The following EPDR1 variants were observed in gnomAD, a reference collection of about 807,000 sequenced individuals.
EPDR1 encodes the protein ependymin related 1.
Under a neutral mutation model 23.7 loss-of-function variants are expected in EPDR1, and 27 were observed. The ratio of observed to expected loss-of-function variants is 1.14; its 90% confidence interval spans 0.84 to 1.57. The LOEUF (loss-of-function observed/expected upper bound fraction) is 1.57. Among genes scored for constraint, EPDR1 ranks in the 40% most tolerant of loss-of-function variants. The probability of loss-of-function intolerance (pLI) is 0.00; values close to 1 mark genes in which losing one functional copy is unlikely to be tolerated. For missense variants in EPDR1, 349 were observed against 290.4 expected, an observed-to-expected ratio of 1.20 and a Z score of -1.47; for synonymous variants, 137 against 118.2, an observed-to-expected ratio of 1.16 and a Z score of -1.03.
chr7:37,947,616 T>C (rs1183667679), intron 1 of EPDR1, among the ~76,000 whole-genome samples: 1 of 152,240 alleles, frequency 6.6e-6, no homozygotes, highest in African/African-American at 2.4e-5. Context: ...TATTTGCTGA[T>C]GACAAGTCAC....
chr7:37,926,037 A>G (rs1785802679), intron 1 of EPDR1, among the ~76,000 whole-genome samples: 2 of 152,180 alleles, frequency 1.3e-5, no homozygotes, highest in Admixed American at 1.3e-4. Flanking sequence ...TCTGCACTCA[A>G]CTGAGCCTCC....
At chr7:37,933,382 G>C (rs946369901) in intron 1 of EPDR1, among the ~76,000 whole-genome samples, 1 of 152,128 alleles carries the variant, frequency 6.6e-6, no homozygotes, top group African/African-American at 2.4e-5. Flanking sequence ...TACATGGATG[G>C]GAAGAATCAC....
chr7:37,929,975 A>C (rs1374218193), intron 1 of EPDR1, among the ~76,000 whole-genome samples: 1 of 152,140 alleles, frequency 6.6e-6, no homozygotes, highest in Non-Finnish European at 1.5e-5. Flanking sequence ...AGGCCATCTG[A>C]AGAGGAATCA....
At chr7:37,928,683 C>T (rs901183812) in intron 1 of EPDR1, among the ~76,000 whole-genome samples, 3 of 152,076 alleles carry the variant, frequency 2.0e-5, no homozygotes, top group Non-Finnish European at 4.4e-5. Context: ...TCTGGTTTTC[C>T]TTCTCCCACC....
chr7:37,924,225 A>G (rs1583661082), intron 1 of EPDR1, among the ~76,000 whole-genome samples: 1 of 152,258 alleles, frequency 6.6e-6, no homozygotes, highest in East Asian at 1.9e-4. Context: ...GAGCAAATTC[A>G]TTGAGCAAAC....
intron 1 of EPDR1, among the ~76,000 whole-genome samples, chr7:37,940,167 G>A (rs925109898): frequency 6.6e-6 from 1 of 152,112 alleles, no homozygotes; most frequent in South Asian, 2.1e-4. Flanking sequence ...GGTCTATATG[G>A]CATGCTACTC....
intron 1 of EPDR1, among the ~76,000 whole-genome samples, chr7:37,946,253 T>G (rs1786272420): frequency 6.6e-6 from 1 of 152,234 alleles, no homozygotes; most frequent in South Asian, 2.1e-4. Flanking sequence ...TACACAGTAA[T>G]GGGATTGGTG....
rs1351779937 is a variant in EPDR1, at chr7:37,945,290, G to T, written c.270-3550G>T. ...ATTATAAAAAATTAGCTCCATTTTT[G>T]AGCAATATCTCATAAAATGCACACT... is the stretch of plus-strand genomic sequence containing the variant. On this transcript the variant is annotated intron_variant, in intron 1 of 2. Coordinates refer to ENST00000199448, the MANE Select transcript of EPDR1 (RefSeq NM_017549.5). Among the ~76,000 whole-genome samples, 4 of 152,108 alleles carry T rather than the reference G, an allele frequency of 2.6e-5. No homozygotes were observed. In the East Asian group the frequency reaches 5.8e-4, roughly 22 times the overall value.
chr7:37,933,326 A>G (rs990719522), intron 1 of EPDR1, among the ~76,000 whole-genome samples: 1 of 151,908 alleles, frequency 6.6e-6, no homozygotes, highest in Non-Finnish European at 1.5e-5. Context: ...ATATTTGTCT[A>G]CTCCCTTTTC....
Position 37,921,058 on chromosome 7 carries a change from G to T in EPDR1, c.119G>T (p.Arg40Leu). ...AGCCTGGGGGCGGTGGGAGCCCCGC[G>T]CCCGTGCCAGGCGCCGCAGCAGTGG... is the stretch of plus-strand genomic sequence containing the variant. ...LCSLGAVGAP[R>L]PCQAPQQWEG... Residue 40 changes from arginine (R) to leucine (L), a missense_variant, in exon 1 of 3, where the codon CGC becomes CTC. Coordinates refer to ENST00000199448, the MANE Select transcript of EPDR1 (RefSeq NM_017549.5). 1.3e-6 allele frequency: 2 copies of T among 1,548,874 alleles called. No homozygotes were observed. Among genetic ancestry groups the T allele is most frequent in the Non-Finnish European group, 1.7e-6 (2 of 1,153,384 alleles).
At chr7:37,946,786 A>C (rs1016991586) in intron 1 of EPDR1, among the ~76,000 whole-genome samples, 1 of 152,136 alleles carries the variant, frequency 6.6e-6, no homozygotes, top group Non-Finnish European at 1.5e-5. Context: ...TGTAATTTTT[A>C]ACACAAAGTT....
chr7:37,933,979 T>C (rs942459374), intron 1 of EPDR1, among the ~76,000 whole-genome samples: 1 of 148,644 alleles, frequency 6.7e-6, no homozygotes, highest in Non-Finnish European at 1.5e-5. Context: ...TGCCATTCTT[T>C]TTTTTTTTTT....
intron 1 of EPDR1, among the ~76,000 whole-genome samples, chr7:37,946,979 T>C (rs1786289330): frequency 6.6e-6 from 1 of 152,286 alleles, no homozygotes; most frequent in Admixed American, 6.5e-5. Flanking sequence ...AATTAATGTA[T>C]TATTGAAGAA....
Position 37,933,069 on chromosome 7 carries a change from G to A in EPDR1, c.269+11861G>A, listed in dbSNP as rs1046264256. Among the ~76,000 whole-genome samples the A allele has an allele frequency of 2.6e-5, 4 of 152,232 alleles. No homozygotes were observed. In the South Asian group the frequency reaches 8.3e-4, roughly 32 times the overall value. On this transcript the variant is annotated intron_variant, in intron 1 of 2. Transcript: ENST00000199448. ...TGTTATATGTGATTGGCAACAATGC[G>A]CACAATGAGTTTGTATCTAACACAA...
intron 1 of EPDR1, among the ~76,000 whole-genome samples, chr7:37,931,104 C>T (rs992198589): frequency 6.6e-6 from 1 of 151,434 alleles, no homozygotes; most frequent in African/African-American, 2.4e-5. Context: ...CAGAGATTTT[C>T]AATGTCTAAG....
At chr7:37,949,485 C>A (rs1005018876) in intron 2 of EPDR1, among the ~76,000 whole-genome samples, 6 of 152,184 alleles carry the variant, frequency 3.9e-5, no homozygotes, top group African/African-American at 1.2e-4. Context: ...TGCCCTGCTG[C>A]TGATATACGC....
intron 1 of EPDR1, among the ~76,000 whole-genome samples, chr7:37,939,064 T>C (rs2472657): frequency 0.34 from 51,146 of 151,228 alleles, 8,835 homozygotes; most frequent in South Asian, 0.46. Context: ...CTGCAAGCTC[T>C]GCCTCCTGAG....
chr7:37,942,248 A>C (rs1786183769), intron 1 of EPDR1, among the ~76,000 whole-genome samples: 1 of 152,236 alleles, frequency 6.6e-6, no homozygotes, highest in Non-Finnish European at 1.5e-5. Context: ...GGATAAATAA[A>C]ATATGGTGTA....
rs141212822 is a variant in EPDR1, at chr7:37,946,972, T to C, written c.270-1868T>C. On this transcript the variant is annotated intron_variant, in intron 1 of 2. Transcript: ENST00000199448. The stretch of plus-strand genomic sequence containing the variant: ...TTAAAAAGTTACAGGAAGCTAAAAT[T>C]AATGTATTATTGAAGAAAGGAACAT... 1.9e-4 allele frequency among the ~76,000 whole-genome samples: 29 copies of C among 152,318 alleles called. No homozygotes were observed. The East Asian group carries it at 5.0e-3, about 26-fold the overall frequency.
Sources: gnomAD v4.1 joint callset for allele counts (sites outside exome capture counted in the v4.1 genomes callset) on GRCh38, gnomAD v4.1.1 for gene constraint, MANE v1.5 for transcripts, NCBI Gene and HGNC (gene_info 2026-07-23, HGNC 2026-07-21) for gene names.